The following IDI1 variants were observed in gnomAD, a reference collection of about 807,000 sequenced individuals.
IDI1 encodes isopentenyl-diphosphate delta isomerase 1.
In IDI1, 23 loss-of-function variants were observed where a neutral mutation model predicts 32.9. The ratio of observed to expected loss-of-function variants is 0.70; its 90% CI spans 0.50 to 0.99. The LOEUF is 0.99. IDI1 is among the 50% of genes least tolerant of loss of function. The probability of loss-of-function intolerance (pLI) is 0.00; values close to 1 mark genes in which losing one functional copy is unlikely to be tolerated. For synonymous variants in IDI1, 133 were observed against 128.2 expected (o/e 1.04, Z -0.25); for missense variants, 326 against 351.9 (o/e 0.93, Z 0.59).
upstream of IDI1, among the ~76,000 whole-genome samples, chr10:1,053,432 G>A (rs963488547): frequency 9.9e-5 from 15 of 152,150 alleles, no homozygotes; most frequent in East Asian, 7.7e-4. Context: ...AGAGAGTTAG[G>A]GCCTTACTCT....
Position 1,048,991 on chromosome 10 carries a change from GT to G in IDI1, c.12del (p.Leu5TrpfsTer41). The part of the protein sequence containing the change: MWR[G>X]LALARAIGCA... ...CAGCCAATCGCTCGCGCCAGCGCCA[GT>G]CCACGCCACATCGCCCGGCCAATTG... is the stretch of plus-strand genomic sequence containing the variant. On this transcript the variant is annotated frameshift_variant, in exon 1 of 5. Coordinates refer to ENST00000381344, the MANE Select transcript of IDI1 (RefSeq NM_004508.4). LOFTEE classifies it high-confidence loss of function. 2.0e-6 allele frequency: 3 copies of G among 1,513,070 alleles called. No individual in the cohort carries two copies. Among genetic ancestry groups the G allele is most frequent in the South Asian group, 1.2e-5 (1 of 80,476 alleles). 93.7% of individuals were successfully genotyped at this position (1,513,070 alleles called of 1,614,324 possible).
rs766705206 is a variant in IDI1, at chr10:1,040,322, A to G, written c.*865T>C. 1 of 152,278 alleles carries G rather than the reference A, an allele frequency of 6.6e-6. No individual in the cohort carries two copies. Among genetic ancestry groups the G allele is most frequent in the Non-Finnish European group, 1.5e-5 (1 of 68,078 alleles). The allele number at this position is 152,278 out of a possible 1,614,324, so 9.4% of individuals were successfully genotyped here. ...CTAGGGGCATCTGGCAACATCCGGC[A>G]TAACTGTGGGTGTCACATGAGAGGG... On this transcript the variant is annotated 3_prime_UTR_variant, in exon 5 of 5. Transcript: ENST00000381344.
At chr10:1,043,074 A>G (rs1832666249) in intron 3 of IDI1, among the ~76,000 whole-genome samples, 1 of 152,194 alleles carries the variant, frequency 6.6e-6, no homozygotes, top group Non-Finnish European at 1.5e-5. Flanking sequence ...GATAATACAG[A>G]TTAAAGATAA....
At chr10:1,050,267 C>T (rs1832966051), upstream of IDI1, among the ~76,000 whole-genome samples, 1 of 152,136 alleles carries the variant, frequency 6.6e-6, no homozygotes, top group Non-Finnish European at 1.5e-5. Context: ...AGACAAAAAA[C>T]AGACTTTGAT....
At chr10:1,043,040 T>G (rs1458073825) in intron 3 of IDI1, among the ~76,000 whole-genome samples, 3 of 152,196 alleles carry the variant, frequency 2.0e-5, no homozygotes, top group Non-Finnish European at 2.9e-5. Flanking sequence ...TAATACTTCT[T>G]TAACCAAAAA....
intron 1 of IDI1, chr10:1,048,277 C>G (rs1832860522): frequency 7.7e-7 from 1 of 1,304,186 alleles, no homozygotes; most frequent in Admixed American, 2.3e-5. Flanking sequence ...GTAGTAGACG[C>G]GGGAACACAT....
At chr10:1,053,262 A>G (rs1209842372), upstream of IDI1, among the ~76,000 whole-genome samples, 1 of 152,238 alleles carries the variant, frequency 6.6e-6, no homozygotes, top group Non-Finnish European at 1.5e-5. Context: ...TTGGCCTCCC[A>G]AAGTGCTGGA....
chr10:1,050,105 C>T (rs1389781999), upstream of IDI1, among the ~76,000 whole-genome samples: 7 of 152,184 alleles, frequency 4.6e-5, no homozygotes, highest in Non-Finnish European at 7.3e-5. Flanking sequence ...GACGCTTGCA[C>T]TCTCTTAAAA....
upstream of IDI1, among the ~76,000 whole-genome samples, chr10:1,051,339 A>AT (rs1343038590): frequency 1.3e-5 from 2 of 152,186 alleles, no homozygotes; most frequent in Non-Finnish European, 2.9e-5. Flanking sequence ...TTTTATTTGA[A>AT]TTTTTGCATG....
intron 4 of IDI1, 138 bp downstream of exon 4, chr10:1,042,494 A>G: frequency 2.5e-6 from 2 of 785,414 alleles, no homozygotes; most frequent in South Asian, 2.9e-5. Flanking sequence ...TCTTTATTCA[A>G]GATGGTTTGT....
At chr10:1,056,299 C>G in the IDI1 span, 1 of 152,302 alleles carries the variant, frequency 6.6e-6, no homozygotes, top group Non-Finnish European at 1.5e-5. Flanking sequence ...AAAAGCGGCC[C>G]AAGTCCCACC....
chr10:1,042,675 GC>G lies in IDI1; in HGVS notation c.493del (p.Ala165HisfsTer5). On this transcript the variant is annotated frameshift_variant, in exon 4 of 5. Coordinates refer to ENST00000381344, the MANE Select transcript of IDI1 (RefSeq NM_004508.4). LOFTEE classifies it high-confidence loss of function. ...ESDALGVRRA[A>X]QRRLKAELGI... ...TAGCTCAGCTTTCAGCCGTCTCTGT[GC>G]TGCTCGCCTCACTCCAAGGGCGTCA... The G allele has an allele frequency of 6.2e-7, 1 of 1,614,030 alleles. No homozygotes were observed. The highest frequency in any genetic ancestry group is 8.5e-7 in the Non-Finnish European group (1 of 1,179,948).
chr10:1,045,760 C>A (rs747055151), intron 1 of IDI1, among the ~76,000 whole-genome samples: 2 of 152,222 alleles, frequency 1.3e-5, no homozygotes, highest in Admixed American at 6.5e-5. Flanking sequence ...AGCCACCACA[C>A]GGGGACCACT....
At chr10:1,042,205 G>GA (rs978197938) in intron 4 of IDI1, among the ~76,000 whole-genome samples, 12 of 151,780 alleles carry the variant, frequency 7.9e-5, no homozygotes, top group African/African-American at 2.7e-4. Context: ...ACAATTCCAA[G>GA]AAAAAAAATG....
intron 1 of IDI1, among the ~76,000 whole-genome samples, chr10:1,045,714 G>A (rs750389568): frequency 6.6e-6 from 1 of 152,242 alleles, no homozygotes; most frequent in Non-Finnish European, 1.5e-5. Flanking sequence ...AGATCTGCCT[G>A]CTTTGGCCTC....
chr10:1,045,049 G>A (rs187493542), intron 1 of IDI1, among the ~76,000 whole-genome samples: 2 of 152,326 alleles, frequency 1.3e-5, no homozygotes, highest in East Asian at 1.9e-4. Context: ...TTCTCCATCC[G>A]TTTAAATATG....
At chr10:1,045,367 TAA>T (rs1832770181) in intron 1 of IDI1, among the ~76,000 whole-genome samples, 1 of 152,226 alleles carries the variant, frequency 6.6e-6, no homozygotes, top group Non-Finnish European at 1.5e-5. Flanking sequence ...TCTGAATGAA[TAA>T]TAATTTTTGT....
intron 4 of IDI1, 87 bp downstream of exon 4, chr10:1,042,545 T>A: frequency 6.1e-6 from 8 of 1,319,276 alleles, no homozygotes; most frequent in East Asian, 4.9e-5. Context: ...AGCAGAGAAC[T>A]ACATTTGAAT....
Position 1,042,746 on chromosome 10 carries a change from C to A in IDI1, c.423G>T (p.Thr141=), listed in dbSNP as rs777299368. ...KITFPGCFTN[T]CCSHPLSNPA... ...GATTGCTTAATGGATGACTACAACA[C>A]GTATTCGTAAAACAACCTGGAAAAT... Residue 141 remains threonine (T), a synonymous_variant, in exon 4 of 5, where the codon ACG becomes ACT. Coordinates refer to ENST00000381344, the MANE Select transcript of IDI1 (RefSeq NM_004508.4). 35 of 1,613,550 alleles carry A rather than the reference C, an allele frequency of 2.2e-5. No homozygotes were observed. The Admixed American group carries it at 5.8e-4, about 27-fold the overall frequency.
Sources: allele counts gnomAD v4.1 joint callset (sites outside exome capture counted in the v4.1 genomes callset), GRCh38; gene constraint gnomAD v4.1.1; transcripts MANE v1.5; gene names NCBI Gene and HGNC (gene_info 2026-07-23, HGNC 2026-07-21).